The following RAPGEF5 variants were observed in gnomAD, a reference collection of about 807,000 sequenced individuals.
RAPGEF5 encodes the protein Rap guanine nucleotide exchange factor 5.
In RAPGEF5, 65 loss-of-function variants were observed where a neutral mutation model predicts 125.2. That is an observed-to-expected ratio of 0.52 (90% CI 0.43 to 0.64). The LOEUF (loss-of-function observed/expected upper bound fraction) is 0.64. Among genes scored for constraint, RAPGEF5 ranks in the 30% least tolerant of loss-of-function variants. The probability of loss-of-function intolerance (pLI) is 0.00; values close to 1 mark genes in which losing one functional copy is unlikely to be tolerated. For synonymous variants in RAPGEF5, 391 were observed against 385.9 expected (o/e 1.01, Z -0.16); for missense variants, 958 against 1,048.1 (o/e 0.91, Z 1.19).
At chr7:22,324,988 G>A (rs1783785800) in intron 1 of RAPGEF5, among the ~76,000 whole-genome samples, 1 of 152,186 alleles carries the variant, frequency 6.6e-6, no homozygotes, top group Non-Finnish European at 1.5e-5. Context: ...CAGGCAGGTT[G>A]TCTCCTTTTT....
intron 1 of RAPGEF5, among the ~76,000 whole-genome samples, chr7:22,354,658 G>A (rs1271513788): frequency 6.6e-6 from 1 of 152,178 alleles, no homozygotes; most frequent in African/African-American, 2.4e-5. Flanking sequence ...ACTAGGTCAT[G>A]ATGGTGGGGC....
intron 20 of RAPGEF5, among the ~76,000 whole-genome samples, chr7:22,140,378 T>C (rs558182562): frequency 4.6e-5 from 7 of 152,350 alleles, no homozygotes; most frequent in African/African-American, 1.7e-4. Context: ...TTTTTACCTA[T>C]GTTGTGTGCA....
At chr7:22,160,763 G>T in intron 13 of RAPGEF5, 148 bp from the exon 14 acceptor site, 1 of 946,396 alleles carries the variant, frequency 1.1e-6, no homozygotes, top group Non-Finnish European at 1.4e-6. Flanking sequence ...GATCCAGAAT[G>T]GGATCATAAC....
chr7:22,271,487 T>A (rs1405567595), intron 6 of RAPGEF5, among the ~76,000 whole-genome samples: 1 of 152,236 alleles, frequency 6.6e-6, no homozygotes, highest in African/African-American at 2.4e-5. Context: ...ATTCACTTAC[T>A]ATAGTAGCAG....
Position 22,154,574 on chromosome 7 carries a change from G to A in RAPGEF5, c.1667C>T (p.Ser556Phe). The change falls in exon 17 of 26, where the codon TCC becomes TTC. Residue 556 changes from serine to phenylalanine, a missense_variant. Transcript: ENST00000665637. ...AACTTTTGCCTTCACACTGACATAGGAGTGCTCTGTTATATACACGTGGCA... is the reference window on the plus strand; with the variant it reads ...AACTTTTGCCTTCACACTGACATAGAAGTGCTCTGTTATATACACGTGGCA... The part of the protein sequence containing the change: ...IFCHVYITEH[S>F]YVSVKAKVSS... 1 of 1,613,774 alleles carries A rather than the reference G, an allele frequency of 6.2e-7. No homozygotes were observed. The highest frequency in any genetic ancestry group is 1.3e-5 in the African/African-American group (1 of 75,032).
At chr7:22,219,044 G>C (rs1414620353) in intron 9 of RAPGEF5, among the ~76,000 whole-genome samples, 2 of 152,144 alleles carry the variant, frequency 1.3e-5, no homozygotes, top group Non-Finnish European at 2.9e-5. Flanking sequence ...GGAAAGGGTT[G>C]AAAACAAAAT....
chr7:22,152,675 T>G (rs1583418331), intron 17 of RAPGEF5, among the ~76,000 whole-genome samples: 1 of 152,212 alleles, frequency 6.6e-6, no homozygotes, highest in East Asian at 1.9e-4. Context: ...AAAACTTTTT[T>G]TTTGACAAAA....
rs1046610073 is a variant in RAPGEF5, at chr7:22,245,334, T to C, written c.797-14415A>G. On this transcript the variant is annotated intron_variant, in intron 7 of 25. Transcript: ENST00000665637. Reference sequence around the variant, plus strand: ...AGTTTGATGTAATCTCATTTGTCTTTTTTCGCTTTTATTGCTTGTGCTTTT... The same window carrying C: ...AGTTTGATGTAATCTCATTTGTCTTCTTTCGCTTTTATTGCTTGTGCTTTT... Among the ~76,000 whole-genome samples, 7 of 152,328 alleles carry C rather than the reference T, an allele frequency of 4.6e-5. No individual in the cohort carries two copies. In the South Asian group the frequency reaches 1.0e-3, roughly 23 times the overall value.
At chr7:22,250,282 C>A (rs924984079) in intron 7 of RAPGEF5, among the ~76,000 whole-genome samples, 1 of 152,200 alleles carries the variant, frequency 6.6e-6, no homozygotes, top group Admixed American at 6.5e-5. Flanking sequence ...ATAGCTAGAA[C>A]CAGGGCTTGC....
intron 1 of RAPGEF5, among the ~76,000 whole-genome samples, chr7:22,339,564 A>G (rs1784088877): frequency 1.3e-5 from 2 of 152,232 alleles, no homozygotes; most frequent in Admixed American, 6.5e-5. Flanking sequence ...TAGAAGGAAG[A>G]AAAGATACCA....
At chr7:22,207,865 G>C (rs1583482572) in intron 9 of RAPGEF5, among the ~76,000 whole-genome samples, 1 of 152,128 alleles carries the variant, frequency 6.6e-6, no homozygotes, top group East Asian at 1.9e-4. Context: ...TTTATGATTT[G>C]TGTCCTGACC....
intron 5 of RAPGEF5, among the ~76,000 whole-genome samples, chr7:22,296,590 T>TAA (rs80075610): frequency 4.0e-5 from 6 of 151,460 alleles, no homozygotes; most frequent in Admixed American, 6.6e-5. Context: ...GAAAGCCCAA[T>TAA]AAAAAAAAGT....
Position 22,220,003 on chromosome 7 carries a change from G to A in RAPGEF5, c.871-12C>T, listed in dbSNP as rs751430517. On this transcript the variant is annotated splice_polypyrimidine_tract_variant and intron_variant, in intron 8 of 25. Transcript: ENST00000665637. ...CACATCACCCCTGCCTTAAGAGTTG[G>A]AGAAAAAGCGAAGATATACTTAAAA... 1.9e-6 allele frequency: 3 copies of A among 1,612,754 alleles called. No homozygotes were observed. The highest frequency in any genetic ancestry group is 2.5e-6 in the Non-Finnish European group (3 of 1,179,272).
intron 1 of RAPGEF5, among the ~76,000 whole-genome samples, chr7:22,333,557 T>A (rs1053798881): frequency 2.0e-4 from 31 of 152,318 alleles, no homozygotes; most frequent in Admixed American, 1.3e-3. Flanking sequence ...TCTTTTTTAT[T>A]TCTAAATATT....
intron 17 of RAPGEF5, among the ~76,000 whole-genome samples, chr7:22,150,966 A>G (rs1362443669): frequency 6.6e-6 from 1 of 152,236 alleles, no homozygotes; most frequent in East Asian, 1.9e-4. Context: ...TACATTTGCA[A>G]TTATTCCATA....
At chr7:22,338,354 G>C (rs1414893829) in intron 1 of RAPGEF5, among the ~76,000 whole-genome samples, 1 of 152,192 alleles carries the variant, frequency 6.6e-6, no homozygotes, top group Non-Finnish European at 1.5e-5. Context: ...TCCAAACTCA[G>C]AGAGGTAGAT....
At chr7:22,353,512 A>T (rs1436647682) in intron 1 of RAPGEF5, among the ~76,000 whole-genome samples, 1 of 152,230 alleles carries the variant, frequency 6.6e-6, no homozygotes, top group East Asian at 1.9e-4. Context: ...ACTAGCCCCT[A>T]CAAAAGTGTA....
Position 22,266,227 on chromosome 7 carries a change from A to G in RAPGEF5, c.796+737T>C, listed in dbSNP as rs199802488. Among the ~76,000 whole-genome samples the G allele has an allele frequency of 1.2e-4, 18 of 152,258 alleles. No individual in the cohort carries two copies. The East Asian group carries it at 3.5e-3, about 29-fold the overall frequency. ...CTTTTCGCCTGAAACGTCTTATTCT[A>G]GTTTAACATTATCCAAGAAGTACCT... On this transcript the variant is annotated intron_variant, in intron 7 of 25. Transcript: ENST00000665637.
rs1782476412 is a variant in RAPGEF5, at chr7:22,118,696, T to C, written c.*3710A>G. 3 of 152,626 alleles carry C rather than the reference T, an allele frequency of 2.0e-5. No homozygotes were observed. The highest frequency in any genetic ancestry group is 2.0e-4 in the Admixed American group (3 of 15,282). 9.5% of individuals were successfully genotyped at this position (152,626 alleles called of 1,614,324 possible). On this transcript the variant is annotated 3_prime_UTR_variant, in exon 26 of 26. Transcript: ENST00000665637. ...GCTGACAATATCACAGCAGCCCTAA[T>C]TAATGATACATTAAAAGGCAAGATT...
Sources: gnomAD v4.1 joint callset for allele counts (sites outside exome capture counted in the v4.1 genomes callset) on GRCh38, gnomAD v4.1.1 for gene constraint, MANE v1.5 for transcripts, NCBI Gene and HGNC (gene_info 2026-07-23, HGNC 2026-07-21) for gene names.